The following ADAMTS6 variants were observed in gnomAD, a reference collection of about 807,000 sequenced individuals.
ADAMTS6 encodes the protein ADAM metallopeptidase with thrombospondin type 1 motif 6.
Under a neutral mutation model 144.3 loss-of-function variants are expected in ADAMTS6, and 23 were observed. The observed-to-expected ratio is 0.16, with a 90% CI of 0.11 to 0.23. ADAMTS6 has a LOEUF of 0.23. Among genes scored for constraint, ADAMTS6 ranks in the 10% least tolerant of loss-of-function variants. The pLI is 1.00. For missense variants in ADAMTS6, 999 were observed against 1,379.6 expected, an observed-to-expected ratio of 0.72 and a Z score of 4.37; for synonymous variants, 444 against 457.5, an observed-to-expected ratio of 0.97 and a Z score of 0.38.
At chr5:65,398,783 A>T (rs1190114370) in intron 7 of ADAMTS6, among the ~76,000 whole-genome samples, 2 of 3,900 alleles carry the variant, frequency 5.1e-4, no homozygotes, top group African/African-American at 1.7e-3. Flanking sequence ...AGAGAGAGCA[A>T]GAAAGAAAGA....
At chr5:65,342,434 C>A (rs1418207982) in intron 7 of ADAMTS6, among the ~76,000 whole-genome samples, 1 of 152,072 alleles carries the variant, frequency 6.6e-6, no homozygotes, top group Admixed American at 6.6e-5. Flanking sequence ...GAAAGACCCA[C>A]CCCCATGATT....
chr5:65,376,713 C>T (rs1291894963), intron 7 of ADAMTS6, among the ~76,000 whole-genome samples: 1 of 151,864 alleles, frequency 6.6e-6, no homozygotes, highest in Non-Finnish European at 1.5e-5. Context: ...TACATGTGGC[C>T]CCAGCTACTT....
At chr5:65,449,069 C>T (rs1045111500) in intron 7 of ADAMTS6, among the ~76,000 whole-genome samples, 1 of 152,136 alleles carries the variant, frequency 6.6e-6, no homozygotes, top group Non-Finnish European at 1.5e-5. Flanking sequence ...TGATACTCCT[C>T]CCATTTTGTT....
rs1294188149 is a variant in ADAMTS6, at chr5:65,263,100, A to G, written c.1621-138T>C. 4 of 1,084,236 alleles carry G rather than the reference A, an allele frequency of 3.7e-6. No homozygotes were observed. The Admixed American group carries it at 9.1e-5, about 25-fold the overall frequency. The allele number at this position is 1,084,236 out of a possible 1,614,324, so 67.2% of individuals were successfully genotyped here. A position where few individuals can be genotyped will look rare whatever the true frequency, so the allele number is the denominator to read the frequency against. ...TTGATAACAGACAGATAGTTCTCTA[A>G]CTGTGTTTAGACACTGGTGAATGTG... On this transcript the variant is annotated intron_variant, in intron 12 of 24. Transcript: ENST00000381055.
In ADAMTS6 at chr5:65,262,817, G is replaced by T; in HGVS notation, c.1766C>A (p.Ala589Glu). 1 of 1,508,176 alleles carries T rather than the reference G, an allele frequency of 6.6e-7. No individual in the cohort carries two copies. The highest frequency in any genetic ancestry group is 1.4e-5 in the African/African-American group (1 of 69,962). 93.4% of individuals were successfully genotyped at this position (1,508,176 alleles called of 1,614,324 possible). A position where few individuals can be genotyped will look rare whatever the true frequency, so the allele number is the denominator to read the frequency against. ...GCTCCGGCTTACTTTAGCTACTTAC[G>T]CTGGACTGTCACAGTGTCTTAGGGA... The part of the protein sequence containing the change: ...SSSLRHCDSP[A>E]PSGGGKYCLG... Residue 589 changes from alanine to glutamate, a missense_variant and splice_region_variant, in exon 13 of 25, where the codon GCA (alanine) becomes GAA (glutamate). Around this residue, in one of 3 missense-constraint regions of ADAMTS6, gnomAD observed 619 missense variants for 837.0 expected, o/e 0.74. Transcript: ENST00000381055.
At chr5:65,367,976 T>A (rs1434275770) in intron 7 of ADAMTS6, among the ~76,000 whole-genome samples, 1 of 152,070 alleles carries the variant, frequency 6.6e-6, no homozygotes, top group Admixed American at 6.6e-5. Context: ...AAAAAAATTA[T>A]CTTTTTTAAT....
intron 7 of ADAMTS6, among the ~76,000 whole-genome samples, chr5:65,337,192 A>T (rs1224605860): frequency 6.6e-6 from 1 of 152,160 alleles, no homozygotes; most frequent in Non-Finnish European, 1.5e-5. Context: ...TATAGAATTG[A>T]TGAATATGAA....
chr5:65,266,559 T>C (rs1163213760), intron 12 of ADAMTS6, among the ~76,000 whole-genome samples: 3 of 152,086 alleles, frequency 2.0e-5, no homozygotes, highest in South Asian at 2.1e-4. Context: ...TGTAGGACTT[T>C]ATGTTACAAA....
At chr5:65,279,558 C>A (rs1762829939) in intron 11 of ADAMTS6, among the ~76,000 whole-genome samples, 1 of 152,140 alleles carries the variant, frequency 6.6e-6, no homozygotes, top group East Asian at 1.9e-4. Flanking sequence ...CTCAAGTGAT[C>A]TGCCTGCCTC....
At chr5:65,328,061 G>C (rs1337487902) in intron 9 of ADAMTS6, among the ~76,000 whole-genome samples, 1 of 152,076 alleles carries the variant, frequency 6.6e-6, no homozygotes, top group East Asian at 1.9e-4. Context: ...ATGGAAAGTA[G>C]AATACCAATA....
At chr5:65,258,969 A>G (rs1401557220) in intron 14 of ADAMTS6, among the ~76,000 whole-genome samples, 1 of 152,234 alleles carries the variant, frequency 6.6e-6, no homozygotes, top group Non-Finnish European at 1.5e-5. Context: ...CAATGGAACC[A>G]GATAAGATCA....
Position 65,196,432 on chromosome 5 carries a change from A to T in ADAMTS6, c.2705+590T>A, listed in dbSNP as rs557544046. Reference sequence around the variant, plus strand: ...CAGGTACTTGGGAGGCTGAGGCAGGAGAATGGCATGAACCCTGGAGGCAGA... The same window carrying T: ...CAGGTACTTGGGAGGCTGAGGCAGGTGAATGGCATGAACCCTGGAGGCAGA... On this transcript the variant is annotated intron_variant, in intron 21 of 24. Transcript: ENST00000381055. Among the ~76,000 whole-genome samples, 18 of 146,118 alleles carry T rather than the reference A, an allele frequency of 1.2e-4. No individual in the cohort carries two copies. The South Asian group carries it at 4.1e-3, about 33-fold the overall frequency.
At chr5:65,371,095 A>G (rs1057215581) in intron 7 of ADAMTS6, among the ~76,000 whole-genome samples, 2 of 152,218 alleles carry the variant, frequency 1.3e-5, no homozygotes, top group African/African-American at 4.8e-5. Flanking sequence ...AACAAATAGG[A>G]CATCCACACC....
intron 7 of ADAMTS6, among the ~76,000 whole-genome samples, chr5:65,341,502 TAAAAAA>T (rs1178652393): frequency 6.6e-6 from 1 of 150,698 alleles, no homozygotes; most frequent in East Asian, 1.9e-4. Context: ...ATCTCAGAAA[TAAAAAA>T]AAGTGATGCC....
At chr5:65,315,772 AAAAG>A (rs2112859782) in intron 9 of ADAMTS6, among the ~76,000 whole-genome samples, 1 of 152,290 alleles carries the variant, frequency 6.6e-6, no homozygotes, top group South Asian at 2.1e-4. Context: ...ACATAATGCT[AAAAG>A]CATCAATTCT....
intron 9 of ADAMTS6, among the ~76,000 whole-genome samples, chr5:65,312,011 T>C (rs970463434): frequency 2.0e-5 from 3 of 152,068 alleles, no homozygotes; most frequent in South Asian, 2.1e-4. Context: ...CTGTCAAGCA[T>C]TTTGTTAAAC....
intron 18 of ADAMTS6, among the ~76,000 whole-genome samples, chr5:65,216,782 T>TACACACACACACACACAC (rs10584577): frequency 4.1e-4 from 61 of 148,634 alleles, no homozygotes; most frequent in African/African-American, 7.7e-4. Flanking sequence ...TTACAAGAAA[T>TACACACACACACACACAC]ACACACACAC....
intron 7 of ADAMTS6, among the ~76,000 whole-genome samples, chr5:65,381,921 T>C (rs1487896151): frequency 1.3e-5 from 2 of 152,216 alleles, no homozygotes; most frequent in Non-Finnish European, 2.9e-5. Flanking sequence ...TTCAAATTAG[T>C]ATTTGTGGAA....
intron 7 of ADAMTS6, chr5:65,415,624 CTG>C: frequency 3.2e-6 from 1 of 316,188 alleles, no homozygotes; most frequent in Non-Finnish European, 6.2e-6. Context: ...TCTGAGATCA[CTG>C]ATTTTTTTCG....
Sources: gnomAD v4.1 joint callset for allele counts (sites outside exome capture counted in the v4.1 genomes callset) on GRCh38, gnomAD v4.1.1 for gene constraint, gnomAD v4.1.1 regional missense constraint, MANE v1.5 for transcripts, NCBI Gene and HGNC (gene_info 2026-07-23, HGNC 2026-07-21) for gene names.